The following NAA60 variants were observed in gnomAD, a reference collection of about 807,000 sequenced individuals.
The protein encoded by NAA60 is N-alpha-acetyltransferase 60, NatF catalytic subunit, also known as N-alpha-acetyltransferase 60.
Under a neutral mutation model 26.1 loss-of-function variants are expected in NAA60, and 8 were observed. That is an observed-to-expected ratio of 0.31 (90% CI 0.18 to 0.55). The LOEUF (loss-of-function observed/expected upper bound fraction) is 0.55, where lower values mean the gene tolerates loss of function less well. Ranked by LOEUF, NAA60 falls within the 20% of genes least tolerant of loss-of-function variation. NAA60 has a pLI of 0.93. For synonymous variants in NAA60, 131 were observed against 122.5 expected (o/e 1.07, Z -0.46); for missense variants, 290 against 311.3 (o/e 0.93, Z 0.51).
chr16:3,445,132 C>A (rs1008595586), intron 1 of NAA60, among the ~76,000 whole-genome samples: 2 of 152,096 alleles, frequency 1.3e-5, no homozygotes, highest in African/African-American at 4.8e-5. Flanking sequence ...AACAAACTTG[C>A]CTACAGGCTA....
At position 3,484,781 on chromosome 16, in the gene NAA60, A is replaced by T; in HGVS notation, c.655A>T (p.Ser219Cys). ...IPHRVYRQAH[S>C]LLCSFLPWSG... ...GCACAGAGTCTACCGCCAGGCCCAC[A>T]GCCTGCTCTGCAGCTTCCTGCCATG... Residue 219 changes from serine to cysteine, a missense_variant, in exon 7 of 8, where the codon AGC becomes TGC. Ser to Cys is a moderately radical substitution (Grantham distance 112). Coordinates refer to ENST00000407558, the MANE Select transcript of NAA60 (RefSeq NM_001083601.3). The T allele has an allele frequency of 6.3e-7, 1 of 1,587,472 alleles. No individual in the cohort carries two copies. Among genetic ancestry groups the T allele is most frequent in the Non-Finnish European group, 8.6e-7 (1 of 1,167,932 alleles).
intron 3 of NAA60, among the ~76,000 whole-genome samples, chr16:3,476,665 A>T (rs2036503068): frequency 6.6e-6 from 1 of 152,216 alleles, no homozygotes; most frequent in Non-Finnish European, 1.5e-5. Flanking sequence ...TACATGCATT[A>T]GAGTAATTAG....
intron 3 of NAA60, 101 bp from the exon 4 acceptor site, chr16:3,479,370 G>A (rs2036683449): frequency 1.6e-6 from 2 of 1,277,746 alleles, no homozygotes; most frequent in Non-Finnish European, 2.2e-6. Flanking sequence ...AGAGCAGCAG[G>A]CAGAAGTGGC....
At position 3,448,494 on chromosome 16, in the gene NAA60, G is replaced by A. The variant is rs1234228819; in HGVS notation, c.-53G>A. The A allele has an allele frequency of 3.9e-6, 6 of 1,535,490 alleles. No homozygotes were observed. The highest frequency in any genetic ancestry group is 5.2e-6 in the Non-Finnish European group (6 of 1,146,888). Reference sequence around the variant, plus strand: ...AGCATACAGAAAGGCTGTACCTGGAGGAAGGAAGTGCGGAGCCAGCCTGAG... The same window carrying A: ...AGCATACAGAAAGGCTGTACCTGGAAGAAGGAAGTGCGGAGCCAGCCTGAG... On this transcript the variant is annotated 5_prime_UTR_variant, in exon 2 of 8. Transcript: ENST00000407558.
rs762400095 is a variant in NAA60 at position 3,484,810 on chromosome 16, G to A, written c.684G>A (p.Ser228=). The A allele has an allele frequency of 3.9e-5, 62 of 1,575,010 alleles. No homozygotes were observed. The East Asian group carries it at 6.1e-4, about 16-fold the overall frequency. Residue 228 remains serine (S), a synonymous_variant, in exon 7 of 8, where the codon TCG becomes TCA. Coordinates refer to ENST00000407558, the MANE Select transcript of NAA60 (RefSeq NM_001083601.3). ...TGCTCTGCAGCTTCCTGCCATGGTC[G>A]GGCATCTCTTCCAAGAGTGGCATCG... ...HSLLCSFLPW[S]GISSKSGIEY... is the part of the protein sequence containing the mutation.
chr16:3,469,876 C>G (rs2036014234), intron 2 of NAA60, among the ~76,000 whole-genome samples: 1 of 152,250 alleles, frequency 6.6e-6, no homozygotes, highest in Non-Finnish European at 1.5e-5. Flanking sequence ...GGCTCCATGC[C>G]TCTGAGCCCT....
At chr16:3,451,043 G>A (rs915951165) in intron 2 of NAA60, among the ~76,000 whole-genome samples, 2 of 152,190 alleles carry the variant, frequency 1.3e-5, no homozygotes, top group African/African-American at 2.4e-5. Flanking sequence ...CATTTACTCT[G>A]TTCCATTCTA....
At chr16:3,469,601 TGCTGCTCCGC>T (rs2035995110) in intron 2 of NAA60, among the ~76,000 whole-genome samples, 1 of 124,966 alleles carries the variant, frequency 8.0e-6, no homozygotes, top group African/African-American at 2.9e-5. Context: ...GACTTTGCCT[TGCTGCTCCGC>T]ACTGCACTGC....
chr16:3,484,532 C>G, intron 6 of NAA60, 167 bp from the exon 7 acceptor site: 1 of 865,530 alleles, frequency 1.2e-6, no homozygotes, highest in Non-Finnish European at 1.7e-6. Flanking sequence ...GAGGCCACTT[C>G]GTCTCATGAG....
Position 3,485,868 on chromosome 16 carries a change from C to T in NAA60, c.*608C>T. Reference sequence around the variant, plus strand: ...GGAGGCTTTCCTCGCAAGCACAGAGCTCTGAGGCTCAGCCCCCTGGCACAG... The same window carrying T: ...GGAGGCTTTCCTCGCAAGCACAGAGTTCTGAGGCTCAGCCCCCTGGCACAG... On this transcript the variant is annotated 3_prime_UTR_variant, in exon 8 of 8. Coordinates refer to ENST00000407558, the MANE Select transcript of NAA60 (RefSeq NM_001083601.3). 2.8e-6 allele frequency: 1 copy of T among 357,630 alleles called. No homozygotes were observed. The highest frequency in any genetic ancestry group is 7.4e-5 in the East Asian group (1 of 13,500). 22.2% of individuals were successfully genotyped at this position (357,630 alleles called of 1,614,324 possible).
intron 2 of NAA60, among the ~76,000 whole-genome samples, chr16:3,453,739 A>G (rs2034873809): frequency 6.6e-6 from 1 of 152,172 alleles, no homozygotes; most frequent in African/African-American, 2.4e-5. Flanking sequence ...CATTCTAGGC[A>G]TTTTCCCTAA....
intron 2 of NAA60, among the ~76,000 whole-genome samples, chr16:3,453,510 G>A (rs1166196157): frequency 6.6e-6 from 1 of 152,302 alleles, no homozygotes; most frequent in East Asian, 1.9e-4. Flanking sequence ...CCAGGTTCAA[G>A]CGATTCTTCT....
chr16:3,444,911 C>T (rs1182824097), intron 1 of NAA60, among the ~76,000 whole-genome samples: 1 of 152,206 alleles, frequency 6.6e-6, no homozygotes, highest in Non-Finnish European at 1.5e-5. Context: ...CCTAGCCTCC[C>T]TTGATAATCT....
intron 5 of NAA60, among the ~76,000 whole-genome samples, chr16:3,483,095 T>C (rs953536406): frequency 3.3e-5 from 5 of 152,244 alleles, no homozygotes; most frequent in Non-Finnish European, 5.9e-5. Context: ...ACCCTGTTTG[T>C]TGTCTGAAAG....
intron 2 of NAA60, among the ~76,000 whole-genome samples, chr16:3,452,047 C>G (rs2034806628): frequency 6.6e-6 from 1 of 151,504 alleles, no homozygotes. Flanking sequence ...GACTCTGCCT[C>G]TACAAAAAAT....
At chr16:3,446,552 T>C (rs1028191060) in intron 1 of NAA60, among the ~76,000 whole-genome samples, 1 of 135,562 alleles carries the variant, frequency 7.4e-6, no homozygotes, top group African/African-American at 2.7e-5. Flanking sequence ...AAAAAGAAAA[T>C]ACAGGGGAAA....
chr16:3,482,695 C>A, intron 5 of NAA60, 97 bp downstream of exon 5: 3 of 870,724 alleles, frequency 3.4e-6, no homozygotes, highest in East Asian at 2.7e-5. Context: ...CTGGCCCCAA[C>A]AACTCTGGCT....
intron 6 of NAA60, among the ~76,000 whole-genome samples, chr16:3,484,112 C>T (rs1041576093): frequency 3.9e-5 from 6 of 152,294 alleles, no homozygotes; most frequent in Admixed American, 2.0e-4. Context: ...TGGCCCCTGA[C>T]AGGTCAGAGG....
intron 4 of NAA60, among the ~76,000 whole-genome samples, chr16:3,480,996 A>G (rs923688365): frequency 6.6e-6 from 1 of 152,144 alleles, no homozygotes; most frequent in African/African-American, 2.4e-5. Flanking sequence ...GCCTGTGGTC[A>G]TACTCTGTCT....
Sources: allele counts gnomAD v4.1 joint callset (sites outside exome capture counted in the v4.1 genomes callset), GRCh38; gene constraint gnomAD v4.1.1; transcripts MANE v1.5; gene names NCBI Gene and HGNC (gene_info 2026-07-23, HGNC 2026-07-21).